ELL3: variants seen among roughly 807,000 people sequenced by gnomAD.
The protein encoded by ELL3 is elongation factor for RNA polymerase II 3, also known as RNA polymerase II elongation factor ELL3.
A neutral mutation model predicts 58.5 loss-of-function variants in ELL3; 48 were observed. The ratio of observed to expected loss-of-function variants is 0.82; its 90% CI spans 0.65 to 1.04. ELL3 has a LOEUF of 1.04. Among genes scored for constraint, ELL3 ranks in the 50% least tolerant of loss-of-function variants. The pLI, the probability that ELL3 is intolerant of heterozygous loss-of-function variation, is 0.00. For synonymous variants in ELL3, 174 were observed against 173.2 expected (o/e 1.00, Z -0.04); for missense variants, 458 against 478.4 (o/e 0.96, Z 0.40).
Position 43,774,261 on chromosome 15 carries a change from C to T in ELL3, c.959G>A (p.Arg320His), listed in dbSNP as rs534129313. The T allele has an allele frequency of 1.3e-5, 21 of 1,614,180 alleles. No individual in the cohort carries two copies. The highest frequency in any genetic ancestry group is 3.3e-5 in the South Asian group (3 of 91,088). ...GAACCTTTGGCTTGCAGTCCCAACACGGGCATGCAGGATGCGGTATTCAGC... is the reference window on the plus strand; with the variant it reads ...GAACCTTTGGCTTGCAGTCCCAACATGGGCATGCAGGATGCGGTATTCAGC... Reference protein sequence around the residue: ...DYAEYRILHARVGTASQRFIE... With the variant: ...DYAEYRILHAHVGTASQRFIE... The change falls in exon 9 of 11, where the codon CGT becomes CAT. Residue 320 changes from arginine to histidine, a missense_variant. Coordinates refer to ENST00000319359, the MANE Select transcript of ELL3 (RefSeq NM_025165.3).
In ELL3 at chr15:43,774,904, G is replaced by A. The variant is rs118091134; in HGVS notation, c.646-131C>T. 3.0e-3 allele frequency: 2,993 copies of A among 998,608 alleles called. 16 individuals carry two copies. The highest frequency in any genetic ancestry group is 0.012 in the East Asian group (434 of 37,338). 61.9% of individuals were successfully genotyped at this position (998,608 alleles called of 1,614,324 possible). A position where few individuals can be genotyped will look rare whatever the true frequency, so the allele number is the denominator to read the frequency against. On this transcript the variant is annotated intron_variant, in intron 6 of 10. Transcript: ENST00000319359. ...TCCTGACCGTTTCAGAGGCTCAGGTGGGGGGATCGCTTGAGCCCAAGATTT... is the reference window on the plus strand; with the variant it reads ...TCCTGACCGTTTCAGAGGCTCAGGTAGGGGGATCGCTTGAGCCCAAGATTT...
Position 43,775,352 on chromosome 15 carries a change from G to T in ELL3, c.599C>A (p.Pro200His), listed in dbSNP as rs1221804231. ...RSQTHVPNRE[P>H]VQALPSSASR... ...GGCAGAGGAAGGCAGTGCCTGAACA[G>T]GTTCTCTGTTTGGAACATGGGTCTG... The change falls in exon 6 of 11, where the codon CCT becomes CAT. Residue 200 changes from proline (P) to histidine (H), a missense_variant. Pro to His is a moderately conservative substitution (Grantham distance 77, BLOSUM62 -2). Coordinates refer to ENST00000319359, the MANE Select transcript of ELL3 (RefSeq NM_025165.3). 3.1e-6 allele frequency: 5 copies of T among 1,613,546 alleles called. No homozygotes were observed. The highest frequency in any genetic ancestry group is 1.7e-5 in the Admixed American group (1 of 59,988).
Position 43,776,549 on chromosome 15 carries a change from G to A in ELL3, c.133-5C>T, listed in dbSNP as rs1362187810. 6.4e-7 allele frequency: 1 copy of A among 1,566,518 alleles called. No homozygotes were observed. Among genetic ancestry groups the A allele is most frequent in the Non-Finnish European group, 8.7e-7 (1 of 1,154,118 alleles). Reference sequence around the variant, plus strand: ...GAAAGCAATCACCGGCCGTACCTGCGGGGAGAGCGAAGATGTGACCGTTGA... The same window carrying A: ...GAAAGCAATCACCGGCCGTACCTGCAGGGAGAGCGAAGATGTGACCGTTGA... On this transcript the variant is annotated splice_polypyrimidine_tract_variant and splice_region_variant and intron_variant, in intron 1 of 10. Coordinates refer to ENST00000319359, the MANE Select transcript of ELL3 (RefSeq NM_025165.3).
chr15:43,773,313 C>T lies in ELL3; in HGVS notation c.1074G>A (p.Lys358=), dbSNP rs752922378. Residue 358 remains lysine, a synonymous_variant, in exon 10 of 11, where the codon AAG becomes AAA. Transcript: ENST00000319359. ...CCAGACCTTGTCTTACCTTCCTGAA[C>T]TTTTTATATTCCTGGATTATCTTGT... is the stretch of plus-strand genomic sequence containing the variant. ...LEDKIIQEYK[K]FRKQYPSYRE... is the part of the protein sequence containing the mutation. The T allele has an allele frequency of 1.2e-5, 20 of 1,614,058 alleles. No homozygotes were observed. Among genetic ancestry groups the T allele is most frequent in the Non-Finnish European group, 1.7e-5 (20 of 1,180,030 alleles).
In ELL3 at chr15:43,775,575, T is replaced by TC; in HGVS notation, c.518dup (p.Gln174ThrfsTer87). On this transcript the variant is annotated frameshift_variant, in exon 5 of 11. Transcript: ENST00000319359. LOFTEE classifies it high-confidence loss of function. ...CCCTTGAGGATCCTGGGAGTGACTG[T>TC]CCTTGGTTGCTTGCCAGTGGATCTG... The TC allele has an allele frequency of 5.6e-6, 9 of 1,614,182 alleles. No homozygotes were observed. The highest frequency in any genetic ancestry group is 7.6e-6 in the Non-Finnish European group (9 of 1,180,014).
chr15:43,773,569 C>T (rs997340736), intron 9 of ELL3, among the ~76,000 whole-genome samples: 1 of 152,042 alleles, frequency 6.6e-6, no homozygotes, highest in Non-Finnish European at 1.5e-5. Flanking sequence ...CTTGTAGTCT[C>T]AGCTGCTCGG....
intron 6 of ELL3, among the ~76,000 whole-genome samples, chr15:43,774,985 T>A (rs1011693570): frequency 3.3e-5 from 5 of 151,594 alleles, no homozygotes; most frequent in East Asian, 3.9e-4. Flanking sequence ...AATAAAAAAA[T>A]GAGCCTGGTG....
chr15:43,772,996 G>A lies in ELL3; in HGVS notation c.*120C>T, dbSNP rs2086890199. 2.1e-6 allele frequency: 2 copies of A among 942,074 alleles called. No homozygotes were observed. The highest frequency in any genetic ancestry group is 3.3e-5 in the African/African-American group (2 of 60,454). The allele number at this position is 942,074 out of a possible 1,614,324, so 58.4% of individuals were successfully genotyped here. A position where few individuals can be genotyped will look rare whatever the true frequency, so the allele number is the denominator to read the frequency against. ...AAGAACCTAGAGCAGCTCTCTACTTGCCACCATGGACTCCAGTGGTCAGCA... is the reference window on the plus strand; with the variant it reads ...AAGAACCTAGAGCAGCTCTCTACTTACCACCATGGACTCCAGTGGTCAGCA... On this transcript the variant is annotated 3_prime_UTR_variant, in exon 11 of 11. Transcript: ENST00000319359.
Position 43,776,145 on chromosome 15 carries a change from T to G in ELL3, c.175A>C (p.Arg59=). 4 of 1,613,902 alleles carry G rather than the reference T, an allele frequency of 2.5e-6. No individual in the cohort carries two copies. The South Asian group carries it at 4.4e-5, about 18-fold the overall frequency. Reference sequence around the variant, plus strand: ...CAGGACCAACCAGGGCCTGGGAGTCTCAGATACTGGGGGTGGAAGGAGACG... The same window carrying G: ...CAGGACCAACCAGGGCCTGGGAGTCGCAGATACTGGGGGTGGAAGGAGACG... ...IAFQGHRGYL[R]LPGPGWSCLF... is the part of the protein sequence containing the mutation. Residue 59 remains arginine (R), a synonymous_variant, in exon 3 of 11, where the codon AGA becomes CGA. Transcript: ENST00000319359.
intron 9 of ELL3, 81 bp downstream of exon 9, chr15:43,774,101 T>G: frequency 6.5e-7 from 1 of 1,536,850 alleles, no homozygotes; most frequent in African/African-American, 1.4e-5. Flanking sequence ...CTTAGTCACT[T>G]TATAAACACA....
chr15:43,773,408 G>A, intron 9 of ELL3, 60 bp from the exon 10 acceptor site: 1 of 1,590,824 alleles, frequency 6.3e-7, no homozygotes, highest in South Asian at 1.1e-5. Context: ...GGGCGGCCAG[G>A]CATGGTGGCT....
chr15:43,776,762 G>A lies in ELL3; in HGVS notation c.132+8C>T, dbSNP rs1198751997. 5 of 1,599,220 alleles carry A rather than the reference G, an allele frequency of 3.1e-6. No homozygotes were observed. Among genetic ancestry groups the A allele is most frequent in the Non-Finnish European group, 4.3e-6 (5 of 1,170,428 alleles). On this transcript the variant is annotated splice_region_variant and intron_variant, in intron 1 of 10. Coordinates refer to ENST00000319359, the MANE Select transcript of ELL3 (RefSeq NM_025165.3). ...GCAGTGACTAGAGAAGAAGGGGGCC[G>A]GCCGTACCTGTTGCCGCTGACACTC...
chr15:43,775,161 C>A (rs1344308916), intron 6 of ELL3, 145 bp downstream of exon 6: 7 of 752,886 alleles, frequency 9.3e-6, no homozygotes, highest in Non-Finnish European at 1.1e-5. Flanking sequence ...AACAGAGAGA[C>A]CTTGTCTCTA....
chr15:43,773,525 AT>A (rs1430388318), intron 9 of ELL3, among the ~76,000 whole-genome samples, 177 bp from the exon 10 acceptor site: 1 of 152,086 alleles, frequency 6.6e-6, no homozygotes, highest in African/African-American at 2.4e-5. Context: ...TACTAAAAAA[AT>A]ACAAAAAAAT....
In ELL3 at chr15:43,774,548, TTA is replaced by T. The variant is rs770122153; in HGVS notation, c.824-32_824-31del. On this transcript the variant is annotated intron_variant, in intron 7 of 10. Transcript: ENST00000319359. ...GAAGGAAGCAAGAAAACACAAGTGA[TTA>T]TAAGTCTTTTCCACTGGCATTTTTA... The T allele has an allele frequency of 8.5e-5, 137 of 1,614,124 alleles. No homozygotes were observed. The African/African-American group carries it at 1.7e-3, about 20-fold the overall frequency.
At position 43,773,282 on chromosome 15, in the gene ELL3, C is replaced by T. The variant is rs374478061; in HGVS notation, c.1083+22G>A. ...TAAAAATTCTCATTCTACCTTGCTT[C>T]CGTTCCCAGACCTTGTCTTACCTTC... On this transcript the variant is annotated intron_variant, in intron 10 of 10. Coordinates refer to ENST00000319359, the MANE Select transcript of ELL3 (RefSeq NM_025165.3). 6.8e-6 allele frequency: 11 copies of T among 1,614,048 alleles called. No individual in the cohort carries two copies. In the African/African-American group the frequency reaches 1.5e-4, roughly 22 times the overall value.
chr15:43,775,271 GT>G, intron 6 of ELL3, 34 bp downstream of exon 6: 1 of 1,552,654 alleles, frequency 6.4e-7, no homozygotes, highest in Non-Finnish European at 8.7e-7. Flanking sequence ...TTATATTAAT[GT>G]TACAAAAAAA....
intron 6 of ELL3, 95 bp from the exon 7 acceptor site, chr15:43,774,868 C>G (rs2086903166): frequency 1.5e-6 from 2 of 1,345,096 alleles, no homozygotes; most frequent in Non-Finnish European, 2.0e-6. Flanking sequence ...CACAGTGGCT[C>G]ATACCTGTAA....
In ELL3 at chr15:43,772,935, C is replaced by T; in HGVS notation, c.*181G>A. 1 of 587,982 alleles carries T rather than the reference C, an allele frequency of 1.7e-6. No individual in the cohort carries two copies. The allele number at this position is 587,982 out of a possible 1,614,324, so 36.4% of individuals were successfully genotyped here. On this transcript the variant is annotated 3_prime_UTR_variant, in exon 11 of 11. Transcript: ENST00000319359. ...CAGCTATGGAGTCTTTGCACAGTGCCCATACCCTAAAAATTAATAATGAAA... is the reference window on the plus strand; with the variant it reads ...CAGCTATGGAGTCTTTGCACAGTGCTCATACCCTAAAAATTAATAATGAAA...
Sources: gnomAD v4.1 joint callset for allele counts (sites outside exome capture counted in the v4.1 genomes callset) on GRCh38, gnomAD v4.1.1 for gene constraint, MANE v1.5 for transcripts, NCBI Gene and HGNC (gene_info 2026-07-23, HGNC 2026-07-21) for gene names.